The following STK36 variants were observed in gnomAD, a reference collection of about 807,000 sequenced individuals.
The protein encoded by STK36 is serine/threonine kinase 36.
A neutral mutation model predicts 142.2 loss-of-function variants in STK36; 116 were observed. The observed-to-expected ratio is 0.82, with a 90% CI of 0.70 to 0.95. The LOEUF is 0.95. STK36 is among the 40% of genes least tolerant of loss of function. The pLI is 0.00. For missense variants in STK36, 1,422 were observed against 1,617.2 expected, an observed-to-expected ratio of 0.88 and a Z score of 2.07; for synonymous variants, 619 against 641.7, an observed-to-expected ratio of 0.96 and a Z score of 0.53.
Position 218,693,754 on chromosome 2 carries a change from G to T in STK36, c.2180G>T (p.Gly727Val). ...VLYSCCLVSE[G>V]LCRLLGQEPL... ...TACTCCTGCTGCCTTGTCAGTGAGG[G>T]CCTGTGCCGTCTTCTGGGGCAGGAG... The change falls in exon 18 of 27, where the codon GGC becomes GTC. Residue 727 changes from glycine to valine, a missense_variant. Gly to Val is a moderately radical substitution (Grantham distance 109). Around this residue, in one of 2 missense-constraint regions of STK36, gnomAD observed 962 missense variants for 1,167.5 expected, o/e 0.82. Transcript: ENST00000295709. The T allele has an allele frequency of 6.2e-7, 1 of 1,614,082 alleles. No individual in the cohort carries two copies. Among genetic ancestry groups the T allele is most frequent in the African/African-American group, 1.3e-5 (1 of 75,054 alleles).
chr2:218,673,977 T>A (rs767403055), intron 4 of STK36, 21 bp downstream of exon 4: 1 of 1,608,896 alleles, frequency 6.2e-7, no homozygotes, highest in Non-Finnish European at 8.5e-7. Context: ...TGCCTTCAAC[T>A]TCTCCCCACC....
chr2:218,693,311 G>A lies in STK36; in HGVS notation c.2115G>A (p.Leu705=), dbSNP rs371426036. 1.9e-4 allele frequency: 300 copies of A among 1,614,076 alleles called. No individual in the cohort carries two copies. The highest frequency in any genetic ancestry group is 9.9e-4 in the Middle Eastern group (6 of 6,084). Residue 705 remains leucine (L), a synonymous_variant, in exon 17 of 27, where the codon CTG becomes CTA. Transcript: ENST00000295709. ...TCAGGCCATCCCTCATCTCTGGCCT[G>A]CAGCATCCCATCCTGTGCCTGCACC... ...SQLRPSLISG[L]QHPILCLHLL... is the part of the protein sequence containing the mutation.
In STK36 at chr2:218,673,689, G is replaced by A. The variant is rs895379929; in HGVS notation, c.149G>A (p.Arg50Gln). Residue 50 changes from arginine (R) to glutamine (Q), a missense_variant, in exon 3 of 27, where the codon CGA (arginine) becomes CAA (glutamine). Transcript: ENST00000295709. ...GAGAAGGAGCTGAGGAATTTGCAAC[G>A]AGAGATTGAAATAATGCGGGGTCTG... ...RSEKELRNLQ[R>Q]EIEIMRGLRH... is the part of the protein sequence containing the mutation. 47 of 1,614,074 alleles carry A rather than the reference G, an allele frequency of 2.9e-5. No individual in the cohort carries two copies. The highest frequency in any genetic ancestry group is 1.6e-4 in the Middle Eastern group (1 of 6,084).
intron 4 of STK36, 115 bp downstream of exon 4, chr2:218,674,071 A>G (rs533531133): frequency 2.7e-5 from 28 of 1,034,452 alleles, no homozygotes; most frequent in East Asian, 1.0e-4. Flanking sequence ...TGAGAAGAAT[A>G]TAAGAGTCTA....
At chr2:218,684,303 T>C (rs938596292) in intron 10 of STK36, among the ~76,000 whole-genome samples, 1 of 143,880 alleles carries the variant, frequency 7.0e-6, no homozygotes, top group Non-Finnish European at 1.5e-5. Flanking sequence ...TAGAGATGGG[T>C]GGGGTTTCTC....
rs2106362289 is a variant in STK36, at chr2:218,693,888, T to C, written c.2248-7T>C. The C allele has an allele frequency of 6.2e-7, 1 of 1,614,256 alleles. No individual in the cohort carries two copies. Among genetic ancestry groups the C allele is most frequent in the African/African-American group, 1.3e-5 (1 of 75,068 alleles). ...GGTTGTTCTGATATCTTAGGTTTCC[T>C]TTGTAGGTAAAAGTAGTAGATTGGG... is the stretch of plus-strand genomic sequence containing the variant. On this transcript the variant is annotated splice_polypyrimidine_tract_variant and splice_region_variant and intron_variant, in intron 18 of 26. Transcript: ENST00000295709.
chr2:218,693,871 T>G, intron 18 of STK36, 24 bp from the exon 19 acceptor site: 2 of 1,614,212 alleles, frequency 1.2e-6, no homozygotes, highest in Non-Finnish European at 1.7e-6. Flanking sequence ...GAGGTTGTTC[T>G]GATATCTTAG....
intron 1 of STK36, 63 bp downstream of exon 1, chr2:218,672,278 C>A: frequency 2.0e-6 from 1 of 489,836 alleles, no homozygotes; most frequent in South Asian, 2.4e-5. Context: ...ATAAGTCAGG[C>A]AACGTATGCA....
chr2:218,679,917 C>T lies in STK36; in HGVS notation c.973C>T (p.Leu325Phe), dbSNP rs1374720936. Residue 325 changes from leucine to phenylalanine, a missense_variant, in exon 9 of 27, where the codon CTT becomes TTT. Physicochemically the swap from Leu to Phe is conservative, Grantham distance 22 (BLOSUM62 0). Transcript: ENST00000295709. ...GAAACATCAGAACACAGGACCTGCC[C>T]TTGAGCAAGAGGACAAGACCAGCAA... ...QKKHQNTGPA[L>F]EQEDKTSKVA... 1 of 1,614,026 alleles carries T rather than the reference C, an allele frequency of 6.2e-7. No individual in the cohort carries two copies. Among genetic ancestry groups the T allele is most frequent in the East Asian group, 2.2e-5 (1 of 44,886 alleles).
Position 218,685,222 on chromosome 2 carries a change from A to G in STK36, c.1374A>G (p.Gly458=). 1 of 1,614,164 alleles carries G rather than the reference A, an allele frequency of 6.2e-7. No individual in the cohort carries two copies. ...TCCAGAGTCAGCTGCATGAAGCTGG[A>G]GGGCAGGTAATGGGGAGAAAGACAC... ...QRIQSQLHEA[G]GQILKGILEG... Residue 458 remains glycine (G), a synonymous_variant, in exon 11 of 27, where the codon GGA becomes GGG. Coordinates refer to ENST00000295709, the MANE Select transcript of STK36 (RefSeq NM_015690.5).
Position 218,675,330 on chromosome 2 carries a change from C to G in STK36, c.304-13C>G. ...AACCTTTTTTTTCTTTCTTCCACCT[C>G]TTTAATTTCTAGGTTCAGGCCATTG... is the stretch of plus-strand genomic sequence containing the variant. On this transcript the variant is annotated splice_polypyrimidine_tract_variant and intron_variant, in intron 4 of 26. Transcript: ENST00000295709. The G allele has an allele frequency of 1.3e-6, 2 of 1,596,232 alleles. No homozygotes were observed. The highest frequency in any genetic ancestry group is 1.7e-6 in the Non-Finnish European group (2 of 1,171,508).
chr2:218,691,766 C>A (rs1483031817), intron 14 of STK36, among the ~76,000 whole-genome samples: 1 of 152,116 alleles, frequency 6.6e-6, no homozygotes, highest in Non-Finnish European at 1.5e-5. Flanking sequence ...CCATGTTGCC[C>A]AGGTTGGTCT....
At chr2:218,693,386 T>A in intron 17 of STK36, 42 bp downstream of exon 17, 1 of 1,562,254 alleles carries the variant, frequency 6.4e-7, no homozygotes, top group Non-Finnish European at 8.8e-7. Flanking sequence ...TATTTTTAAC[T>A]CCCAGTGCAG....
intron 16 of STK36, 107 bp from the exon 17 acceptor site, chr2:218,693,133 G>T: frequency 1.1e-6 from 1 of 930,154 alleles, no homozygotes; most frequent in Non-Finnish European, 1.7e-6. Context: ...GTGAATGTGG[G>T]AAGAGTGACT....
intron 1 of STK36, 130 bp downstream of exon 1, chr2:218,672,345 C>T: frequency 3.0e-6 from 1 of 336,738 alleles, no homozygotes; most frequent in South Asian, 3.4e-5. Context: ...GCCTGAGGAG[C>T]TTGGAGCTCC....
chr2:218,690,045 T>C lies in STK36; in HGVS notation c.1658+89T>C. ...TTCCCATTTAGGAACAGGCCAAGTA[T>C]GAAGAAGCTGTGATTTGTTACAGGT... On this transcript the variant is annotated intron_variant, in intron 13 of 26. Transcript: ENST00000295709. 3.3e-6 allele frequency: 4 copies of C among 1,209,800 alleles called. No homozygotes were observed. The South Asian group carries it at 4.0e-5, about 12-fold the overall frequency. The allele number at this position is 1,209,800 out of a possible 1,614,324, so 74.9% of individuals were successfully genotyped here. A position where few individuals can be genotyped will look rare whatever the true frequency, so the allele number is the denominator to read the frequency against.
Position 218,685,004 on chromosome 2 carries a change from C to T in STK36, c.1237-81C>T, listed in dbSNP as rs1190414862. The T allele has an allele frequency of 7.1e-6, 11 of 1,559,882 alleles. No individual in the cohort carries two copies. In the African/African-American group the frequency reaches 1.1e-4, roughly 15 times the overall value. ...GGCTCCTTGCAGTTACTTCATGATT[C>T]CCCATGGTTTCTACTGGTTGGGATC... is the stretch of plus-strand genomic sequence containing the variant. On this transcript the variant is annotated intron_variant, in intron 10 of 26. Transcript: ENST00000295709.
In STK36 at chr2:218,694,425, G is replaced by A; in HGVS notation, c.2400+98G>A. The A allele has an allele frequency of 6.6e-7, 1 of 1,515,022 alleles. No individual in the cohort carries two copies. The highest frequency in any genetic ancestry group is 1.1e-5 in the South Asian group (1 of 88,880). The allele number at this position is 1,515,022 out of a possible 1,614,324, so 93.8% of individuals were successfully genotyped here. A position where few individuals can be genotyped will look rare whatever the true frequency, so the allele number is the denominator to read the frequency against. ...TATCCAATTTGCATCTGTTTCTGGA[G>A]GCATTCTTTTGGACCAGGACAGAGA... On this transcript the variant is annotated intron_variant, in intron 20 of 26. Coordinates refer to ENST00000295709, the MANE Select transcript of STK36 (RefSeq NM_015690.5). This position sits in a 1 kb window ranked among gnomAD's most constrained non-coding sequence, Gnocchi z 4.4.
At position 218,701,772 on chromosome 2, in the gene STK36, A is replaced by G. The variant is rs1004707796; in HGVS notation, c.3805-94A>G. On this transcript the variant is annotated intron_variant, in intron 26 of 26. Transcript: ENST00000295709. ...TTTTTCTTCCTCTTCTCGAGTGGGA[A>G]TTCCTGGGTAAATGAGAGTCCTCCG... The G allele has an allele frequency of 2.7e-6, 4 of 1,454,608 alleles. No homozygotes were observed. In the African/African-American group the frequency reaches 5.7e-5, roughly 21 times the overall value. The allele number at this position is 1,454,608 out of a possible 1,614,324, so 90.1% of individuals were successfully genotyped here.
Sources: gnomAD v4.1 joint callset for allele counts (sites outside exome capture counted in the v4.1 genomes callset) on GRCh38, gnomAD v4.1.1 for gene constraint, gnomAD v4.1.1 regional missense constraint, Gnocchi (gnomAD v3.1) non-coding constraint, MANE v1.5 for transcripts, NCBI Gene and HGNC (gene_info 2026-07-23, HGNC 2026-07-21) for gene names.